FCER2: variants seen among roughly 807,000 people sequenced by gnomAD.
FCER2 encodes the protein Fc epsilon receptor II.
FCER2 carries 38 observed loss-of-function variants against 49.7 expected under a neutral mutation model. The ratio of observed to expected loss-of-function variants is 0.76; its 90% CI spans 0.59 to 1.00. FCER2 has a LOEUF of 1.00. Among genes scored for constraint, FCER2 ranks in the 50% least tolerant of loss-of-function variants. FCER2 has a pLI of 0.00. For synonymous variants in FCER2, 163 were observed against 164.6 expected, an observed-to-expected ratio of 0.99 and a Z score of 0.07; for missense variants, 425 against 419.5, an observed-to-expected ratio of 1.01 and a Z score of -0.11.
At chr19:7,693,652 G>A (rs1334477395) in intron 8 of FCER2, among the ~76,000 whole-genome samples, 1 of 151,920 alleles carries the variant, frequency 6.6e-6, no homozygotes, top group African/African-American at 2.4e-5. Context: ...TTTTTGTTTT[G>A]TTTTGTTTTG....
Position 7,690,195 on chromosome 19 carries a change from TC to T in FCER2, c.691del (p.Glu231SerfsTer30). 1 of 1,613,530 alleles carries T rather than the reference TC, an allele frequency of 6.2e-7. No homozygotes were observed. Among genetic ancestry groups the T allele is most frequent in the Non-Finnish European group, 8.5e-7 (1 of 1,179,646 alleles). ...GTGGCTCCCATCCACCCAGATAAACTCCCCCTTCAGGTCCAAGTTCCGAAGG... is the reference window on the plus strand; with the variant it reads ...GTGGCTCCCATCCACCCAGATAAACTCCCCTTCAGGTCCAAGTTCCGAAGG... ...IGLRNLDLKG[E>X]FIWVDGSHVD... On this transcript the variant is annotated frameshift_variant, in exon 10 of 11. Transcript: ENST00000597921. LOFTEE classifies it high-confidence loss of function.
chr19:7,699,476 C>CT, intron 2 of FCER2: 1 of 1,305,356 alleles, frequency 7.7e-7, no homozygotes, highest in Non-Finnish European at 9.9e-7. Flanking sequence ...TAGCTGAAGC[C>CT]GTTTTTTTTT....
chr19:7,697,202 A>G (rs1761454130), intron 6 of FCER2, 34 bp downstream of exon 6: 1 of 1,612,060 alleles, frequency 6.2e-7, no homozygotes, highest in Non-Finnish European at 8.5e-7. Context: ...TTCCCACCCA[A>G]TCTGGCTTCA....
Position 7,696,911 on chromosome 19 carries a change from A to C in FCER2, c.383T>G (p.Leu128Trp), listed in dbSNP as rs749196838. The change falls in exon 8 of 11, where the codon TTG becomes TGG. Residue 128 changes from leucine to tryptophan, a missense_variant. Coordinates refer to ENST00000597921, the MANE Select transcript of FCER2 (RefSeq NM_001220500.2). ...ADLSSFKSQELNERNEASDLL... is the reference protein window; with the variant it reads ...ADLSSFKSQEWNERNEASDLL... ...ATCTGAAGCTTCGTTCCTCTCGTTC[A>C]ATTCTTGGGGAGTCAACAAGGGGCG... 1 of 1,580,666 alleles carries C rather than the reference A, an allele frequency of 6.3e-7. No individual in the cohort carries two copies. The highest frequency in any genetic ancestry group is 8.6e-7 in the Non-Finnish European group (1 of 1,162,444).
At chr19:7,701,440 AC>A (rs143527647) in intron 1 of FCER2, among the ~76,000 whole-genome samples, 118 of 152,246 alleles carry the variant, frequency 7.8e-4, no homozygotes, top group African/African-American at 2.7e-3. Flanking sequence ...TATTCAAAGC[AC>A]CAGCACACAG....
At chr19:7,696,090 C>T (rs1258774150) in intron 8 of FCER2, among the ~76,000 whole-genome samples, 2 of 151,840 alleles carry the variant, frequency 1.3e-5, no homozygotes, top group African/African-American at 2.4e-5. Flanking sequence ...CCCGCCACCA[C>T]ACCCGGTTAA....
Position 7,689,190 on chromosome 19 carries a change from T to A in FCER2, c.*3A>T, listed in dbSNP as rs776559366. ...CTTGCTCTGGGCCTGGCTGTATCCATGCTCAAGAGTGGAGAGGGGCAGAGG... is the reference window on the plus strand; with the variant it reads ...CTTGCTCTGGGCCTGGCTGTATCCAAGCTCAAGAGTGGAGAGGGGCAGAGG... On this transcript the variant is annotated 3_prime_UTR_variant, in exon 11 of 11. Coordinates refer to ENST00000597921, the MANE Select transcript of FCER2 (RefSeq NM_001220500.2). 11 of 1,596,234 alleles carry A rather than the reference T, an allele frequency of 6.9e-6. No homozygotes were observed. The highest frequency in any genetic ancestry group is 1.1e-5 in the South Asian group (1 of 90,694).
At chr19:7,698,597 A>G (rs1333983186) in intron 3 of FCER2, 144 bp downstream of exon 3, 9 of 1,109,698 alleles carry the variant, frequency 8.1e-6, no homozygotes, top group Admixed American at 6.2e-5. Flanking sequence ...AAGGGCTGGC[A>G]GTGGCAAGAT....
intron 8 of FCER2, among the ~76,000 whole-genome samples, chr19:7,694,383 A>G (rs913762007): frequency 5.9e-5 from 9 of 152,066 alleles, no homozygotes; most frequent in African/African-American, 2.2e-4. Context: ...AAAAACAACA[A>G]CGACAAAAAC....
At position 7,692,209 on chromosome 19, in the gene FCER2, C is replaced by T. The variant is rs984303518; in HGVS notation, c.470-1652G>A. Reference sequence around the variant, plus strand: ...ACATCAACTACCAACACCATCACCACGAGCACATTCATGTCCAACAACAAA... The same window carrying T: ...ACATCAACTACCAACACCATCACCATGAGCACATTCATGTCCAACAACAAA... On this transcript the variant is annotated intron_variant, in intron 8 of 10. Transcript: ENST00000597921. Among the ~76,000 whole-genome samples the T allele has an allele frequency of 6.4e-4, 84 of 130,716 alleles. 5 individuals are homozygous for T. Among genetic ancestry groups the T allele is most frequent in the Middle Eastern group, 4.1e-3 (1 of 244 alleles). The allele number at this position is 130,716 out of a possible 152,430, so 85.8% of individuals were successfully genotyped here. A position where few individuals can be genotyped will look rare whatever the true frequency, so the allele number is the denominator to read the frequency against.
chr19:7,701,065 C>CT (rs2033143057), intron 1 of FCER2, among the ~76,000 whole-genome samples: 1 of 152,190 alleles, frequency 6.6e-6, no homozygotes, highest in Non-Finnish European at 1.5e-5. Flanking sequence ...CCTCCTCAGC[C>CT]TCCCAAAGTG....
At chr19:7,699,261 C>T in intron 2 of FCER2, 1 of 570,320 alleles carries the variant, frequency 1.8e-6, no homozygotes, top group Non-Finnish European at 2.9e-6. Context: ...ATCGGAGCCA[C>T]TCCCCAGCCA....
Position 7,697,593 on chromosome 19 carries a change from G to A in FCER2, c.191-4C>T, listed in dbSNP as rs1360644727. The A allele has an allele frequency of 2.5e-6, 4 of 1,613,708 alleles. No homozygotes were observed. The highest frequency in any genetic ancestry group is 3.4e-6 in the Non-Finnish European group (4 of 1,179,812). On this transcript the variant is annotated splice_polypyrimidine_tract_variant and splice_region_variant and intron_variant, in intron 4 of 10. Coordinates refer to ENST00000597921, the MANE Select transcript of FCER2 (RefSeq NM_001220500.2). ...AAGTTCTTGGAAACTTGAGAGACTG[G>A]AGCGGCGGGAGAGAAGAGATATCCC...
Position 7,690,222 on chromosome 19 carries a change from C to G in FCER2, c.665G>C (p.Gly222Ala). 1 of 1,614,138 alleles carries G rather than the reference C, an allele frequency of 6.2e-7. No homozygotes were observed. Among genetic ancestry groups the G allele is most frequent in the Non-Finnish European group, 8.5e-7 (1 of 1,179,974 alleles). Residue 222 changes from glycine (G) to alanine (A), a missense_variant, in exon 10 of 11, where the codon GGC becomes GCC. Physicochemically the swap from Gly to Ala is moderately conservative, Grantham distance 60. Transcript: ENST00000597921. ...KHASHTGSWI[G>A]LRNLDLKGEF... ...CCCCTTCAGGTCCAAGTTCCGAAGG[C>G]CAATCCAGGAGCCGGTGTGGCTGGC...
In FCER2 at chr19:7,696,984, C is replaced by A. The variant is rs183284748; in HGVS notation, c.379+29G>T. Reference sequence around the variant, plus strand: ...GCCCCCTCCTTGTCCGTTCCCTCCCCCACTGCCCCATCCCCTCCCAAGCCT... The same window carrying A: ...GCCCCCTCCTTGTCCGTTCCCTCCCACACTGCCCCATCCCCTCCCAAGCCT... On this transcript the variant is annotated intron_variant, in intron 7 of 10. Transcript: ENST00000597921. 2.2e-5 allele frequency: 35 copies of A among 1,566,950 alleles called. No individual in the cohort carries two copies. The East Asian group carries it at 5.9e-4, about 26-fold the overall frequency.
At chr19:7,693,212 A>G (rs2032927600) in intron 8 of FCER2, among the ~76,000 whole-genome samples, 1 of 152,264 alleles carries the variant, frequency 6.6e-6, no homozygotes, top group African/African-American at 2.4e-5. Flanking sequence ...AGCCCTGGTC[A>G]TCATCACTGG....
At chr19:7,698,900 A>G (rs1037838433) in intron 2 of FCER2, 46 bp from the exon 3 acceptor site, 3 of 1,542,162 alleles carry the variant, frequency 1.9e-6, no homozygotes, top group Admixed American at 2.0e-5. Flanking sequence ...GTGAAGCTGG[A>G]TGCTGGCCCT....
chr19:7,700,389 A>T (rs998042722), intron 1 of FCER2, among the ~76,000 whole-genome samples: 1 of 152,190 alleles, frequency 6.6e-6, no homozygotes, highest in African/African-American at 2.4e-5. Context: ...CGGATTCTAA[A>T]CATTTATGAA....
At chr19:7,696,965 T>G in intron 7 of FCER2, 48 bp downstream of exon 7, 1 of 1,556,014 alleles carries the variant, frequency 6.4e-7, no homozygotes, top group Non-Finnish European at 8.7e-7. Flanking sequence ...GCAGGCCCCC[T>G]CCTTGTCCGT....
Sources: allele counts gnomAD v4.1 joint callset (sites outside exome capture counted in the v4.1 genomes callset), GRCh38; gene constraint gnomAD v4.1.1; transcripts MANE v1.5; gene names NCBI Gene and HGNC (gene_info 2026-07-23, HGNC 2026-07-21).